SELP: variants seen among roughly 807,000 people sequenced by gnomAD.
SELP encodes the protein P-selectin.
A neutral mutation model predicts 104.1 loss-of-function variants in SELP; 92 were observed. That is an observed-to-expected ratio of 0.88 (90% CI 0.75 to 1.05). The LOEUF (loss-of-function observed/expected upper bound fraction) is 1.05, where lower values mean the gene tolerates loss of function less well. Ranked by LOEUF, SELP falls within the 50% of genes least tolerant of loss-of-function variation. The probability of loss-of-function intolerance (pLI) is 0.00; values close to 1 mark genes in which losing one functional copy is unlikely to be tolerated. For synonymous variants in SELP, 397 were observed against 364.5 expected (o/e 1.09, Z -1.01); for missense variants, 1,022 against 1,017.3 (o/e 1.00, Z -0.06).
intron 13 of SELP, among the ~76,000 whole-genome samples, chr1:169,594,333 T>C (rs1254025825): frequency 1.3e-5 from 2 of 152,162 alleles, no homozygotes; most frequent in African/African-American, 4.8e-5. Context: ...TTTTTAGAGT[T>C]AGGTGGTAAG....
intron 14 of SELP, 38 bp from the exon 15 acceptor site, chr1:169,591,494 A>AG: frequency 6.7e-7 from 1 of 1,493,308 alleles, no homozygotes; most frequent in Non-Finnish European, 9.1e-7. Flanking sequence ...ATGATTAAAA[A>AG]AAAAAAACAA....
At chr1:169,602,364 G>A (rs966757607) in intron 10 of SELP, among the ~76,000 whole-genome samples, 1 of 152,188 alleles carries the variant, frequency 6.6e-6, no homozygotes, top group Non-Finnish European at 1.5e-5. Context: ...GTAATGCTCA[G>A]TTGAAGGTGA....
At position 169,613,007 on chromosome 1, in the gene SELP, C is replaced by T. The variant is rs199912684; in HGVS notation, c.697G>A (p.Gly233Arg). The change falls in exon 5 of 17, where the codon GGG becomes AGG. Residue 233 changes from glycine (G) to arginine (R), a missense_variant. By Grantham distance (125) the Gly-to-Arg change is moderately radical. Transcript: ENST00000263686. ...NSQCSFHCTD[G>R]YQVNGPSKLE... is the part of the protein sequence containing the mutation. ...TTGCTGGGCCCATTTACTTGGTACCCGTCAGTGCAGTGGAAGCTGCACTGC... is the reference window on the plus strand; with the variant it reads ...TTGCTGGGCCCATTTACTTGGTACCTGTCAGTGCAGTGGAAGCTGCACTGC... The T allele has an allele frequency of 3.3e-5, 54 of 1,613,806 alleles. No homozygotes were observed. Among genetic ancestry groups the T allele is most frequent in the Admixed American group, 1.2e-4 (7 of 59,980 alleles).
At chr1:169,627,147 T>C (rs1394774338) in intron 1 of SELP, among the ~76,000 whole-genome samples, 1 of 152,212 alleles carries the variant, frequency 6.6e-6, no homozygotes, top group Non-Finnish European at 1.5e-5. Flanking sequence ...TGCAGAACTA[T>C]ACAACTTGTT....
At chr1:169,603,252 T>G in intron 9 of SELP, 41 bp from the exon 10 acceptor site, 2 of 1,568,364 alleles carry the variant, frequency 1.3e-6, no homozygotes, top group Non-Finnish European at 1.7e-6. Context: ...GAGATCATTT[T>G]ATAATTCAGC....
At chr1:169,591,967 G>A (rs1017296092) in intron 14 of SELP, among the ~76,000 whole-genome samples, 3 of 152,118 alleles carry the variant, frequency 2.0e-5, no homozygotes, top group African/African-American at 2.4e-5. Flanking sequence ...CCCAACAAAT[G>A]AATGTATTTA....
At chr1:169,601,096 T>A (rs545434090) in intron 10 of SELP, among the ~76,000 whole-genome samples, 29 of 152,382 alleles carry the variant, frequency 1.9e-4, no homozygotes, top group South Asian at 1.2e-3. Context: ...AAGGTTTTTT[T>A]AAATATTCTT....
At chr1:169,612,878 C>T (rs747700165) in intron 5 of SELP, 51 bp downstream of exon 5, 2 of 1,457,846 alleles carry the variant, frequency 1.4e-6, no homozygotes, top group South Asian at 1.4e-5. Context: ...GTGTCCTCTT[C>T]TCCCCCAAAA....
At chr1:169,593,034 G>C (rs1413855868) in intron 14 of SELP, among the ~76,000 whole-genome samples, 1 of 152,024 alleles carries the variant, frequency 6.6e-6, no homozygotes, top group Non-Finnish European at 1.5e-5. Context: ...TCTGGTTTAG[G>C]CATCCCTAGT....
At chr1:169,626,647 T>C (rs1343127875) in intron 1 of SELP, among the ~76,000 whole-genome samples, 1 of 152,218 alleles carries the variant, frequency 6.6e-6, no homozygotes, top group African/African-American at 2.4e-5. Flanking sequence ...GAAGGGATAC[T>C]TCTGAACAGA....
chr1:169,589,938 T>C (rs1438803413), intron 16 of SELP, among the ~76,000 whole-genome samples: 1 of 152,246 alleles, frequency 6.6e-6, no homozygotes, highest in Non-Finnish European at 1.5e-5. Context: ...ATTTCTGTCC[T>C]GGAGGAAATG....
intron 3 of SELP, 26 bp from the exon 4 acceptor site, chr1:169,613,719 T>G (rs781542906): frequency 6.3e-7 from 1 of 1,581,954 alleles, no homozygotes; most frequent in Admixed American, 1.7e-5. Flanking sequence ...AAGGTCAGAG[T>G]CATGGACATT....
rs762216780 is a variant in SELP, at chr1:169,590,190, T to C, written c.2451A>G (p.Thr817=). The C allele has an allele frequency of 1.9e-6, 3 of 1,613,000 alleles. No individual in the cohort carries two copies. Among genetic ancestry groups the C allele is most frequent in the Non-Finnish European group, 2.5e-6 (3 of 1,178,996 alleles). ...ATGCAGCGTTTGTAAAAACTCCATATGTTCCTAGGTGGCTAAAGAACAGAA... is the reference window on the plus strand; with the variant it reads ...ATGCAGCGTTTGTAAAAACTCCATACGTTCCTAGGTGGCTAAAGAACAGAA... The part of the protein sequence containing the change: ...CPLNPHSHLG[T]YGVFTNAAFD... The change falls in exon 16 of 17, where the codon ACA becomes ACG. Residue 817 remains threonine, a synonymous_variant. Coordinates refer to ENST00000263686, the MANE Select transcript of SELP (RefSeq NM_003005.4).
chr1:169,605,864 A>G (rs903567946), intron 9 of SELP, among the ~76,000 whole-genome samples: 6 of 152,216 alleles, frequency 3.9e-5, no homozygotes, highest in Non-Finnish European at 5.9e-5. Flanking sequence ...AGCATTGTCT[A>G]TAAAAGTTAA....
Position 169,597,068 on chromosome 1 carries a change from C to G in SELP, c.1814G>C (p.Gly605Ala). 1 of 1,613,348 alleles carries G rather than the reference C, an allele frequency of 6.2e-7. No homozygotes were observed. Among genetic ancestry groups the G allele is most frequent in the Non-Finnish European group, 8.5e-7 (1 of 1,179,592 alleles). ...GSTCHFSCDNGFKLEGPNNVE... is the reference protein window; with the variant it reads ...GSTCHFSCDNAFKLEGPNNVE... ...ATTATTGGGCCCCTCCAGCTTAAAG[C>G]CGTTGTCACAAGAGAAATGGCAGGT... Residue 605 changes from glycine (G) to alanine (A), a missense_variant, in exon 11 of 17, where the codon GGC becomes GCC. Physicochemically the swap from Gly to Ala is moderately conservative, Grantham distance 60 (BLOSUM62 0). Coordinates refer to ENST00000263686, the MANE Select transcript of SELP (RefSeq NM_003005.4).
At chr1:169,590,262 C>G (rs993370493) in intron 15 of SELP, 60 bp from the exon 16 acceptor site, 34 of 1,216,676 alleles carry the variant, frequency 2.8e-5, no homozygotes, top group Non-Finnish European at 4.1e-5. Context: ...ACAACACAGT[C>G]CAACACATAG....
chr1:169,599,369 A>C (rs1019431754), intron 10 of SELP, among the ~76,000 whole-genome samples: 7 of 151,728 alleles, frequency 4.6e-5, no homozygotes, highest in Non-Finnish European at 1.0e-4. Context: ...AAAAAAAAAA[A>C]AACTCCTGAA....
At chr1:169,611,072 G>A (rs1662507390) in intron 7 of SELP, among the ~76,000 whole-genome samples, 1 of 152,018 alleles carries the variant, frequency 6.6e-6, no homozygotes, top group Non-Finnish European at 1.5e-5. Context: ...TAATTGCCTG[G>A]GATTGCATCA....
intron 15 of SELP, 64 bp from the exon 16 acceptor site, chr1:169,590,266 C>A: frequency 8.4e-7 from 1 of 1,189,996 alleles, no homozygotes; most frequent in Admixed American, 1.9e-5. Context: ...CACAGTCCAA[C>A]ACATAGTATT....
Sources: allele counts gnomAD v4.1 joint callset (sites outside exome capture counted in the v4.1 genomes callset), GRCh38; gene constraint gnomAD v4.1.1; transcripts MANE v1.5; gene names NCBI Gene and HGNC (gene_info 2026-07-23, HGNC 2026-07-21).